The following CTNNA3 variants were observed in gnomAD, a reference collection of about 807,000 sequenced individuals.
The protein encoded by CTNNA3 is catenin alpha-3.
CTNNA3 carries 76 observed loss-of-function variants against 95.7 expected under a neutral mutation model. The observed-to-expected ratio is 0.79, with a 90% confidence interval of 0.66 to 0.96. CTNNA3 has a LOEUF of 0.96. CTNNA3 is among the 40% of genes least tolerant of loss of function. The pLI is 0.00. For synonymous variants in CTNNA3, 431 were observed against 374.4 expected (o/e 1.15, Z -1.74); for missense variants, 1,191 against 1,089.8 (o/e 1.09, Z -1.31).
At chr10:66,851,744 G>A (rs576639251) in intron 7 of CTNNA3, among the ~76,000 whole-genome samples, 13 of 151,990 alleles carry the variant, frequency 8.6e-5, no homozygotes, top group African/African-American at 2.4e-4. Flanking sequence ...ACCAGAAGCT[G>A]AGCAGATGTC....
chr10:67,231,055 A>T (rs943685276), intron 5 of CTNNA3, among the ~76,000 whole-genome samples: 2 of 152,134 alleles, frequency 1.3e-5, no homozygotes, highest in African/African-American at 4.8e-5. Flanking sequence ...TTGCTAGCAC[A>T]GCAGTCTGAG....
Position 67,232,549 on chromosome 10 carries a change from C to T in CTNNA3, c.580-12679G>A, listed in dbSNP as rs10146517. Among the ~76,000 whole-genome samples, 936 of 152,148 alleles carry T rather than the reference C, an allele frequency of 6.2e-3. 10 individuals carry two copies. The highest frequency in any genetic ancestry group is 0.022 in the African/African-American group (894 of 41,504). On this transcript the variant is annotated intron_variant, in intron 5 of 17. Transcript: ENST00000433211. ...AAGGAACAACTGGTACCAGCCACTG[C>T]AAAATCATGCCAAAATGTAAAGACC... is the stretch of plus-strand genomic sequence containing the variant.
rs141863649 is a variant in CTNNA3, at chr10:66,732,146, C to T, written c.1281+34118G>A. ...CTTCCTTTGCTATGCCAGTAAAGGGCTTGGAGAGGTTGCCCATGCAACATA... is the reference window on the plus strand; with the variant it reads ...CTTCCTTTGCTATGCCAGTAAAGGGTTTGGAGAGGTTGCCCATGCAACATA... On this transcript the variant is annotated intron_variant, in intron 9 of 17. Coordinates refer to ENST00000433211, the MANE Select transcript of CTNNA3 (RefSeq NM_013266.4). Among the ~76,000 whole-genome samples the T allele has an allele frequency of 4.3e-3, 662 of 152,282 alleles. 7 individuals carry two copies. The highest frequency in any genetic ancestry group is 0.015 in the African/African-American group (642 of 41,560).
At chr10:67,406,723 A>G (rs187012126) in intron 5 of CTNNA3, among the ~76,000 whole-genome samples, 70 of 152,246 alleles carry the variant, frequency 4.6e-4, no homozygotes, top group Non-Finnish European at 8.2e-4. Context: ...CACAATCAGA[A>G]ATGACATGGA....
At chr10:66,042,667 A>G (rs2079720250) in intron 15 of CTNNA3, among the ~76,000 whole-genome samples, 1 of 152,000 alleles carries the variant, frequency 6.6e-6, no homozygotes, top group Non-Finnish European at 1.5e-5. Context: ...TGGGAGGCCG[A>G]GGCGGGTGGA....
chr10:67,554,935 G>A (rs544124777), intron 3 of CTNNA3, among the ~76,000 whole-genome samples: 1 of 152,272 alleles, frequency 6.6e-6, no homozygotes, highest in South Asian at 2.1e-4. Flanking sequence ...TTTTGTATAA[G>A]GTGTAAGGAA....
At chr10:66,584,567 G>T (rs1274274710) in intron 10 of CTNNA3, among the ~76,000 whole-genome samples, 1 of 151,730 alleles carries the variant, frequency 6.6e-6, no homozygotes, top group Non-Finnish European at 1.5e-5. Flanking sequence ...GAATCTATAA[G>T]AATCTTTACA....
At chr10:66,592,095 C>T (rs1843571530) in intron 10 of CTNNA3, among the ~76,000 whole-genome samples, 2 of 120,168 alleles carry the variant, frequency 1.7e-5, no homozygotes, top group South Asian at 4.9e-4. Flanking sequence ...ATTATTCTAG[C>T]TTGGCAAAAA....
chr10:67,151,649 A>G (rs1861093014), intron 7 of CTNNA3, among the ~76,000 whole-genome samples: 1 of 152,200 alleles, frequency 6.6e-6, no homozygotes, highest in Non-Finnish European at 1.5e-5. Flanking sequence ...TCTGTAAATC[A>G]CCATAGGCTT....
chr10:66,182,019 C>A (rs1405017823), intron 13 of CTNNA3, among the ~76,000 whole-genome samples: 4 of 152,072 alleles, frequency 2.6e-5, no homozygotes, highest in African/African-American at 9.7e-5. Flanking sequence ...GTAAAAATGT[C>A]CTATGATAAT....
At chr10:67,082,455 T>G (rs1857100355) in intron 7 of CTNNA3, among the ~76,000 whole-genome samples, 1 of 152,116 alleles carries the variant, frequency 6.6e-6, no homozygotes, top group South Asian at 2.1e-4. Context: ...TTTAAAACCC[T>G]AAACCCCCAA....
At chr10:66,451,000 A>G (rs1167087840) in intron 11 of CTNNA3, among the ~76,000 whole-genome samples, 3 of 152,120 alleles carry the variant, frequency 2.0e-5, no homozygotes, top group Admixed American at 6.6e-5. Context: ...TCCAATATAA[A>G]TGGAACTTAA....
chr10:66,504,137 T>C (rs1466599234), intron 11 of CTNNA3, among the ~76,000 whole-genome samples: 1 of 152,146 alleles, frequency 6.6e-6, no homozygotes, highest in Non-Finnish European at 1.5e-5. Context: ...TGTTGTATAA[T>C]AGATCTCTTG....
intron 13 of CTNNA3, among the ~76,000 whole-genome samples, chr10:66,272,396 A>G (rs1489630537): frequency 6.6e-6 from 1 of 152,214 alleles, no homozygotes; most frequent in Non-Finnish European, 1.5e-5. Context: ...GCCTGAATAA[A>G]TTCTCCACAG....
chr10:66,953,984 C>G (rs1848668032), intron 7 of CTNNA3, among the ~76,000 whole-genome samples: 1 of 152,056 alleles, frequency 6.6e-6, no homozygotes, highest in South Asian at 2.1e-4. Flanking sequence ...TTTTGAAATA[C>G]AAAATAATTA....
chr10:67,445,593 C>A (rs1846716606), intron 5 of CTNNA3, among the ~76,000 whole-genome samples: 1 of 152,062 alleles, frequency 6.6e-6, no homozygotes, highest in Non-Finnish European at 1.5e-5. Flanking sequence ...CCCTACCTTC[C>A]AAACTGTTGT....
chr10:67,722,099 T>A (rs1841182664), intron 1 of CTNNA3, among the ~76,000 whole-genome samples: 1 of 152,188 alleles, frequency 6.6e-6, no homozygotes, highest in South Asian at 2.1e-4. Context: ...AAGTTAAAAC[T>A]TTTAACAATC....
chr10:66,016,979 A>T (rs1327074146), intron 15 of CTNNA3, among the ~76,000 whole-genome samples: 1 of 152,154 alleles, frequency 6.6e-6, no homozygotes, highest in Non-Finnish European at 1.5e-5. Context: ...CTAATATCTC[A>T]ACTTAGTATA....
intron 15 of CTNNA3, among the ~76,000 whole-genome samples, chr10:66,021,851 G>GTTTTTTTTTT (rs1564583857): frequency 1.7e-4 from 7 of 41,668 alleles, no homozygotes; most frequent in African/African-American, 3.2e-4. Flanking sequence ...CAGGATCTTG[G>GTTTTTTTTTT]CTTTTTTTTT....
Sources: allele counts gnomAD v4.1 joint callset (sites outside exome capture counted in the v4.1 genomes callset), GRCh38; gene constraint gnomAD v4.1.1; transcripts MANE v1.5; gene names NCBI Gene and HGNC (gene_info 2026-07-23, HGNC 2026-07-21).